Variants in TSC22D1 observed in about 807,000 individuals in gnomAD.
The protein encoded by TSC22D1 is TSC22 domain family protein 1.
Under a neutral mutation model 74.2 loss-of-function variants are expected in TSC22D1, and 9 were observed. The ratio of observed to expected loss-of-function variants is 0.12; its 90% CI spans 0.07 to 0.21. The LOEUF (loss-of-function observed/expected upper bound fraction) is 0.21, where lower values mean the gene tolerates loss of function less well. TSC22D1 is among the 10% of genes least tolerant of loss of function. The probability of loss-of-function intolerance (pLI) is 1.00; values close to 1 mark genes in which losing one functional copy is unlikely to be tolerated. For synonymous variants in TSC22D1, 586 were observed against 492.5 expected, an observed-to-expected ratio of 1.19 and a Z score of -2.51; for missense variants, 1,427 against 1,304.7, an observed-to-expected ratio of 1.09 and a Z score of -1.44.
Position 44,544,333 on chromosome 13 carries a change from T to C in TSC22D1, c.2912+28830A>G, listed in dbSNP as rs146772998. On this transcript the variant is annotated intron_variant, in intron 1 of 2. Transcript: ENST00000458659. ...TCCAATTTCAAAAAGGGAGAGATCT[T>C]ACCCGATAACAAAACAAAAAGGCAA... 5.2e-4 allele frequency among the ~76,000 whole-genome samples: 78 copies of C among 151,230 alleles called. 3 individuals carry two copies. In the East Asian group the frequency reaches 0.015, roughly 29 times the overall value.
chr13:44,506,096 C>T (rs1395260053), intron 1 of TSC22D1, among the ~76,000 whole-genome samples: 1 of 152,026 alleles, frequency 6.6e-6, no homozygotes, highest in Non-Finnish European at 1.5e-5. Context: ...CCACTCTGCC[C>T]CACTTACTCT....
chr13:44,436,273 G>T, intron 1 of TSC22D1, 178 bp from the exon 2 acceptor site: 1 of 869,198 alleles, frequency 1.2e-6, no homozygotes, highest in Non-Finnish European at 1.8e-6. Flanking sequence ...CGAATATCCA[G>T]GCATCTCCCT....
chr13:44,516,588 G>C (rs1879996352), intron 1 of TSC22D1, among the ~76,000 whole-genome samples: 2 of 149,600 alleles, frequency 1.3e-5, no homozygotes, highest in African/African-American at 5.1e-5. Flanking sequence ...TCTTTTTATG[G>C]GGGGAAAAAA....
At chr13:44,556,651 G>C (rs946397306) in intron 1 of TSC22D1, among the ~76,000 whole-genome samples, 1 of 151,552 alleles carries the variant, frequency 6.6e-6, no homozygotes, top group Non-Finnish European at 1.5e-5. Flanking sequence ...AGATCACTTA[G>C]GGTCAGGAGT....
chr13:44,517,772 T>TACAC (rs1880074085), intron 1 of TSC22D1, among the ~76,000 whole-genome samples: 1 of 136,086 alleles, frequency 7.3e-6, no homozygotes, highest in Non-Finnish European at 1.6e-5. Flanking sequence ...TGTATATATA[T>TACAC]ATATACACAT....
chr13:44,506,183 C>T (rs1208647247), intron 1 of TSC22D1, among the ~76,000 whole-genome samples: 4 of 152,072 alleles, frequency 2.6e-5, no homozygotes, highest in African/African-American at 9.7e-5. Context: ...ATGGAGTTTC[C>T]AAAATTAGAT....
intron 1 of TSC22D1, among the ~76,000 whole-genome samples, chr13:44,478,828 A>C (rs1878042496): frequency 6.6e-6 from 1 of 152,170 alleles, no homozygotes; most frequent in South Asian, 2.1e-4. Flanking sequence ...GATTTCTGGC[A>C]GTGAACCAAA....
chr13:44,570,188 CTTTT>C (rs1258759696), intron 1 of TSC22D1, among the ~76,000 whole-genome samples: 1 of 132,442 alleles, frequency 7.6e-6, no homozygotes. Flanking sequence ...GACATTAAGA[CTTTT>C]TTTTTTTTTT....
chr13:44,436,158 A>T, intron 1 of TSC22D1, 63 bp from the exon 2 acceptor site: 1 of 1,548,058 alleles, frequency 6.5e-7, no homozygotes, highest in East Asian at 2.3e-5. Context: ...TCCAAGATAA[A>T]AAGGATCTCC....
chr13:44,536,926 G>GAAAA (rs10596156), intron 1 of TSC22D1: 9 of 495,208 alleles, frequency 1.8e-5, no homozygotes, highest in African/African-American at 9.4e-5. Context: ...GTATTTTTCT[G>GAAAA]AAAAAAAAAA....
In TSC22D1 at chr13:44,436,426, C is replaced by G. The variant is rs191244307; in HGVS notation, c.2913-331G>C. On this transcript the variant is annotated intron_variant, in intron 1 of 2. Transcript: ENST00000458659. ...TCTCTCAGCAATGGACAAAGGAATT[C>G]GCCTGGCTATCTTTCACCTGTATTA... 3.3e-6 allele frequency: 5 copies of G among 1,515,230 alleles called. No homozygotes were observed. The African/African-American group carries it at 4.2e-5, about 13-fold the overall frequency. 93.9% of individuals were successfully genotyped at this position (1,515,230 alleles called of 1,614,324 possible).
At chr13:44,556,589 G>C (rs981653397) in intron 1 of TSC22D1, among the ~76,000 whole-genome samples, 1 of 151,998 alleles carries the variant, frequency 6.6e-6, no homozygotes, top group Non-Finnish European at 1.5e-5. Flanking sequence ...TTTGTAGCCA[G>C]GTGCAGTGGC....
At chr13:44,524,315 T>C (rs769560217) in intron 1 of TSC22D1, among the ~76,000 whole-genome samples, 3 of 151,524 alleles carry the variant, frequency 2.0e-5, no homozygotes, top group Non-Finnish European at 4.4e-5. Context: ...TAGCTTCTCT[T>C]AGATCCATCA....
intron 1 of TSC22D1, among the ~76,000 whole-genome samples, chr13:44,487,135 A>G (rs190123038): frequency 4.9e-4 from 74 of 152,294 alleles, no homozygotes; most frequent in Non-Finnish European, 1.8e-4. Flanking sequence ...ATATAAAATT[A>G]TTTACTCTCC....
intron 1 of TSC22D1, among the ~76,000 whole-genome samples, chr13:44,524,568 T>C (rs1880462881): frequency 6.6e-6 from 1 of 152,144 alleles, no homozygotes; most frequent in Non-Finnish European, 1.5e-5. Flanking sequence ...TTGTTTGAGA[T>C]GGAGTTTCAC....
At chr13:44,444,122 T>C (rs1595080947) in intron 1 of TSC22D1, among the ~76,000 whole-genome samples, 1 of 149,248 alleles carries the variant, frequency 6.7e-6, no homozygotes, top group South Asian at 2.1e-4. Flanking sequence ...CTACTAAAAA[T>C]ACAAAAATTA....
chr13:44,575,008 G>A lies in TSC22D1; in HGVS notation c.1067C>T (p.Thr356Ile), dbSNP rs1329377496. 2 of 1,614,032 alleles carry A rather than the reference G, an allele frequency of 1.2e-6. No homozygotes were observed. Among genetic ancestry groups the A allele is most frequent in the Non-Finnish European group, 1.7e-6 (2 of 1,180,014 alleles). Reference protein sequence around the residue: ...AAGVSVGPGVTSGVNVNILSG... With the variant: ...AAGVSVGPGVISGVNVNILSG... ...CAAGATATTCACATTAACACCACTG[G>A]TAACTCCAGGCCCAACACTCACACC... The change falls in exon 1 of 3, where the codon ACC (threonine) becomes ATC (isoleucine). Residue 356 changes from threonine (T) to isoleucine (I), a missense_variant. Around this residue, in one of 3 missense-constraint regions of TSC22D1, gnomAD observed 1,343 missense variants for 1,191.5 expected, o/e 1.13. Coordinates refer to ENST00000458659, the MANE Select transcript of TSC22D1 (RefSeq NM_183422.4).
At chr13:44,521,972 G>C (rs886364479) in intron 1 of TSC22D1, among the ~76,000 whole-genome samples, 4 of 152,130 alleles carry the variant, frequency 2.6e-5, no homozygotes, top group Non-Finnish European at 5.9e-5. Flanking sequence ...TAGCAAACAA[G>C]ACAGACGTGA....
chr13:44,556,472 G>A (rs914107964), intron 1 of TSC22D1, among the ~76,000 whole-genome samples: 2 of 151,684 alleles, frequency 1.3e-5, no homozygotes, highest in African/African-American at 2.4e-5. Context: ...CTTGAACCCA[G>A]GAAGCGGAGG....
Sources: gnomAD v4.1 joint callset for allele counts (sites outside exome capture counted in the v4.1 genomes callset) on GRCh38, gnomAD v4.1.1 for gene constraint, gnomAD v4.1.1 regional missense constraint, MANE v1.5 for transcripts, NCBI Gene and HGNC (gene_info 2026-07-23, HGNC 2026-07-21) for gene names.